The following ADCY10 variants were observed in gnomAD, a reference collection of about 807,000 sequenced individuals.
The protein encoded by ADCY10 is adenylate cyclase type 10.
ADCY10 carries 156 observed loss-of-function variants against 183.3 expected under a neutral mutation model. That is an observed-to-expected ratio of 0.85 (90% CI 0.75 to 0.97). The LOEUF is 0.97. Ranked by LOEUF, ADCY10 falls within the 50% of genes least tolerant of loss-of-function variation. The pLI, the probability that ADCY10 is intolerant of heterozygous loss-of-function variation, is 0.00. For missense variants in ADCY10, 1,745 were observed against 1,934.3 expected (o/e 0.90, Z 1.84); for synonymous variants, 645 against 670.0 (o/e 0.96, Z 0.58).
chr1:167,810,945 G>A, intron 31 of ADCY10, 32 bp from the exon 32 acceptor site: 1 of 1,596,728 alleles, frequency 6.3e-7, no homozygotes, highest in Non-Finnish European at 8.6e-7. Flanking sequence ...CAGTATATTA[G>A]AATTAAACAG....
chr1:167,845,554 G>A lies in ADCY10; in HGVS notation c.3007+9C>T, dbSNP rs1275906327. 6.2e-7 allele frequency: 1 copy of A among 1,613,170 alleles called. No homozygotes were observed. Among genetic ancestry groups the A allele is most frequent in the Admixed American group, 1.7e-5 (1 of 60,028 alleles). ...ACAGTTAGGATAATTTTAAAATGAA[G>A]TAGGTTACTTTTAAATCCATGAGAC... On this transcript the variant is annotated intron_variant, in intron 21 of 32. Transcript: ENST00000367851.
intron 16 of ADCY10, among the ~76,000 whole-genome samples, chr1:167,858,497 CAAAAAAA>C (rs57443879): frequency 1.4e-4 from 10 of 70,320 alleles, no homozygotes; most frequent in African/African-American, 5.9e-4. Context: ...GACTCTGTCT[CAAAAAAA>C]AAAAAAAAAA....
chr1:167,823,424 C>CAAAAA (rs34394385), intron 28 of ADCY10, among the ~76,000 whole-genome samples: 2 of 42,840 alleles, frequency 4.7e-5, no homozygotes, highest in African/African-American at 9.0e-5. Context: ...AACTCCATCT[C>CAAAAA]AAAAAAAAAA....
intron 25 of ADCY10, among the ~76,000 whole-genome samples, chr1:167,830,247 C>G (rs960048411): frequency 1.3e-5 from 2 of 151,960 alleles, no homozygotes; most frequent in African/African-American, 4.8e-5. Context: ...CCCACTTTTC[C>G]CCTTTAAATA....
intron 26 of ADCY10, among the ~76,000 whole-genome samples, chr1:167,826,505 C>T (rs1197952884): frequency 6.6e-6 from 1 of 152,192 alleles, no homozygotes; most frequent in East Asian, 1.9e-4. Context: ...CAATCCCAGC[C>T]ACCTTGATGA....
At chr1:167,830,590 C>T (rs1259673826) in intron 25 of ADCY10, among the ~76,000 whole-genome samples, 1 of 152,112 alleles carries the variant, frequency 6.6e-6, no homozygotes, top group Admixed American at 6.5e-5. Context: ...GATGGGGTTT[C>T]GCCATGTTGG....
intron 18 of ADCY10, among the ~76,000 whole-genome samples, chr1:167,853,192 C>A (rs1483870480): frequency 6.6e-6 from 1 of 152,120 alleles, no homozygotes; most frequent in East Asian, 1.9e-4. Context: ...AATATTAATA[C>A]ACGTCGTGCT....
At chr1:167,820,519 A>T (rs915274127) in intron 30 of ADCY10, 4 of 370,758 alleles carry the variant, frequency 1.1e-5, no homozygotes, top group African/African-American at 8.4e-5. Context: ...ATAAATTTGG[A>T]TGATTTCTGG....
chr1:167,861,144 T>C, intron 14 of ADCY10, 81 bp from the exon 15 acceptor site: 1 of 1,184,556 alleles, frequency 8.4e-7, no homozygotes. Context: ...AGGAAAGCTC[T>C]GTCTTCTCAT....
chr1:167,843,783 G>A (rs913820314), intron 21 of ADCY10, among the ~76,000 whole-genome samples: 5 of 152,084 alleles, frequency 3.3e-5, no homozygotes, highest in South Asian at 2.1e-4. Flanking sequence ...AGGCCCCAGT[G>A]TTCTATGTCC....
chr1:167,837,937 A>C (rs1044868509), intron 21 of ADCY10, among the ~76,000 whole-genome samples: 2 of 152,234 alleles, frequency 1.3e-5, no homozygotes, highest in Non-Finnish European at 2.9e-5. Context: ...AAAATTCCAT[A>C]ATGATCTTAA....
At chr1:167,838,901 A>G (rs546465975) in intron 21 of ADCY10, among the ~76,000 whole-genome samples, 1 of 152,312 alleles carries the variant, frequency 6.6e-6, no homozygotes, top group East Asian at 1.9e-4. Flanking sequence ...CTCAAGACAA[A>G]AACCTGCGCA....
rs1400492117 is a variant in ADCY10, at chr1:167,845,713, A to G, written c.2857T>C (p.Cys953Arg). 3.7e-6 allele frequency: 6 copies of G among 1,614,120 alleles called. No individual in the cohort carries two copies. The South Asian group carries it at 4.4e-5, about 12-fold the overall frequency. Residue 953 changes from cysteine (C) to arginine (R), a missense_variant, in exon 21 of 33, where the codon TGT becomes CGT. Physicochemically the swap from Cys to Arg is radical, Grantham distance 180. Coordinates refer to ENST00000367851, the MANE Select transcript of ADCY10 (RefSeq NM_018417.6). ...GCATCTTCTTCTAAAAAGCGGGCAC[A>G]TTTCAAGTGCATGGCTTTTCTCTGG... The part of the protein sequence containing the change: ...KDQRKAMHLK[C>R]ARFLEEDAHR...
At chr1:167,819,665 C>T (rs1353055791) in intron 30 of ADCY10, among the ~76,000 whole-genome samples, 2 of 152,086 alleles carry the variant, frequency 1.3e-5, no homozygotes, top group African/African-American at 4.8e-5. Flanking sequence ...TGGGTTCAAA[C>T]AATTCTCCTG....
At chr1:167,819,981 TAACA>T in intron 30 of ADCY10, 2 of 1,481,462 alleles carry the variant, frequency 1.4e-6, no homozygotes, top group Non-Finnish European at 9.4e-7. Flanking sequence ...GTTTTGCCAC[TAACA>T]AAGTGGATGA....
At chr1:167,900,170 T>C (rs1034547119) in intron 5 of ADCY10, among the ~76,000 whole-genome samples, 8 of 152,242 alleles carry the variant, frequency 5.3e-5, no homozygotes. Context: ...TTGTATAATA[T>C]GACATGTACA....
rs1000089911 is a variant in ADCY10, at chr1:167,901,732, A to G, written c.366T>C (p.Cys122=). 1.2e-6 allele frequency: 2 copies of G among 1,614,158 alleles called. No individual in the cohort carries two copies. The highest frequency in any genetic ancestry group is 1.3e-5 in the African/African-American group (1 of 75,036). The stretch of plus-strand genomic sequence containing the variant: ...CAAACAATCCATGGATCTCCAGGCT[A>G]CATTTAATTACCACTGTGATAATGT... The part of the protein sequence containing the change: ...LKNIITVVIK[C]SLEIHGLFET... Residue 122 remains cysteine (C), a synonymous_variant, in exon 5 of 33, where the codon TGT becomes TGC. Transcript: ENST00000367851.
chr1:167,880,452 G>A (rs1399306519), intron 10 of ADCY10, 39 bp downstream of exon 10: 1 of 1,462,176 alleles, frequency 6.8e-7, no homozygotes, highest in Non-Finnish European at 9.6e-7. Flanking sequence ...GCCTCAAAAG[G>A]GTCAGGGACC....
chr1:167,904,953 T>C (rs1021243345), intron 2 of ADCY10, 40 bp downstream of exon 2: 3 of 1,613,940 alleles, frequency 1.9e-6, no homozygotes, highest in African/African-American at 2.7e-5. Context: ...CGCGAGCCTG[T>C]TGCTCATCCA....
Sources: allele counts gnomAD v4.1 joint callset (sites outside exome capture counted in the v4.1 genomes callset), GRCh38; gene constraint gnomAD v4.1.1; transcripts MANE v1.5; gene names NCBI Gene and HGNC (gene_info 2026-07-23, HGNC 2026-07-21).